The following CNOT10 variants were observed in gnomAD, a reference collection of about 807,000 sequenced individuals.
The protein encoded by CNOT10 is CCR4-NOT transcription complex, subunit 10.
Under a neutral mutation model 94.6 loss-of-function variants are expected in CNOT10, and 30 were observed. The observed-to-expected ratio is 0.32, with a 90% confidence interval of 0.24 to 0.43. CNOT10 has a LOEUF of 0.43. Ranked by LOEUF, CNOT10 falls within the 20% of genes least tolerant of loss-of-function variation. CNOT10 has a pLI of 1.00. For missense variants in CNOT10, 759 were observed against 877.2 expected (o/e 0.87, Z 1.70); for synonymous variants, 289 against 301.6 (o/e 0.96, Z 0.43).
At chr3:32,753,935 C>CACAA (rs1700079718) in intron 13 of CNOT10, 3 of 1,042,988 alleles carry the variant, frequency 2.9e-6, no homozygotes, top group South Asian at 2.9e-5. Context: ...CACACACACA[C>CACAA]AAAATATAAA....
chr3:32,757,659 C>T (rs1700279545), intron 13 of CNOT10, among the ~76,000 whole-genome samples: 1 of 152,140 alleles, frequency 6.6e-6, no homozygotes, highest in South Asian at 2.1e-4. Flanking sequence ...ACCAGTCTTG[C>T]CACACAGACC....
chr3:32,702,598 A>G (rs182668522), intron 1 of CNOT10, among the ~76,000 whole-genome samples: 138 of 152,304 alleles, frequency 9.1e-4, no homozygotes, highest in African/African-American at 3.3e-3. Context: ...GTAAGCCCTT[A>G]TCAGTGTAGT....
chr3:32,721,429 CTTTTTTT>C (rs58351356), intron 8 of CNOT10, among the ~76,000 whole-genome samples: 768 of 72,634 alleles, frequency 0.011, 15 homozygotes, highest in African/African-American at 0.042. Flanking sequence ...TTTCTTTCAT[CTTTTTTT>C]TTTTTTTTTT....
intron 1 of CNOT10, among the ~76,000 whole-genome samples, chr3:32,701,789 G>GT (rs1186537878): frequency 5.3e-5 from 8 of 151,564 alleles, no homozygotes; most frequent in Non-Finnish European, 7.4e-5. Flanking sequence ...GTCTCTGATA[G>GT]TTGTTTTTGT....
intron 1 of CNOT10, chr3:32,695,520 T>C (rs1156366870): frequency 1.4e-6 from 2 of 1,473,970 alleles, no homozygotes; most frequent in East Asian, 2.5e-5. Context: ...ACATTCTGTA[T>C]TGGAATGTGT....
At chr3:32,758,893 G>T (rs1209208523) in intron 13 of CNOT10, among the ~76,000 whole-genome samples, 2 of 152,024 alleles carry the variant, frequency 1.3e-5, no homozygotes, top group East Asian at 3.8e-4. Flanking sequence ...TAGAAGAATA[G>T]TAACTGTGTG....
At chr3:32,703,543 T>A (rs1171771656) in intron 1 of CNOT10, among the ~76,000 whole-genome samples, 8 of 152,220 alleles carry the variant, frequency 5.3e-5, no homozygotes, top group Non-Finnish European at 1.5e-5. Context: ...CTCACCTTTC[T>A]TCCTGTGACC....
intron 5 of CNOT10, among the ~76,000 whole-genome samples, chr3:32,715,675 A>G (rs1295187171): frequency 6.6e-6 from 1 of 152,216 alleles, no homozygotes; most frequent in Non-Finnish European, 1.5e-5. Context: ...CCCCGTCTCT[A>G]TGAAAAATTA....
At chr3:32,723,718 A>G (rs1043074608) in intron 8 of CNOT10, among the ~76,000 whole-genome samples, 9 of 152,198 alleles carry the variant, frequency 5.9e-5, no homozygotes, top group African/African-American at 2.2e-4. Context: ...TTTGAAACAG[A>G]TGTGACAGAA....
chr3:32,747,957 C>A (rs1010262832), intron 13 of CNOT10, among the ~76,000 whole-genome samples: 1 of 151,340 alleles, frequency 6.6e-6, no homozygotes, highest in Non-Finnish European at 1.5e-5. Flanking sequence ...AACGCTCCCC[C>A]CACCTCCAAA....
At chr3:32,694,719 A>G (rs1202721803) in intron 1 of CNOT10, among the ~76,000 whole-genome samples, 4 of 152,032 alleles carry the variant, frequency 2.6e-5, no homozygotes, top group Admixed American at 2.6e-4. Context: ...CCTCCTGAGT[A>G]GCTGGGATTA....
At chr3:32,711,312 C>T in intron 4 of CNOT10, among the ~76,000 whole-genome samples, 1 of 152,090 alleles carries the variant, frequency 6.6e-6, no homozygotes, top group East Asian at 1.9e-4. Flanking sequence ...TGTATGTCCT[C>T]CTGTACATTT....
Position 32,725,573 on chromosome 3 carries a change from A to C in CNOT10, c.986A>C (p.Gln329Pro). Reference sequence around the variant, plus strand: ...CAAGAGAATGACAATGTCTGTGCACAGCTCAGTGCAGGTAGCACTGATCCA... The same window carrying C: ...CAAGAGAATGACAATGTCTGTGCACCGCTCAGTGCAGGTAGCACTGATCCA... ...ALQENDNVCA[Q>P]LSAGSTDPGK... is the part of the protein sequence containing the mutation. Residue 329 changes from glutamine to proline, a missense_variant, in exon 9 of 19, where the codon CAG (glutamine) becomes CCG (proline). Physicochemically the swap from Gln to Pro is moderately conservative, Grantham distance 76. This residue lies in a region of CNOT10 where 682 missense variants were observed against 799.4 expected (regional missense o/e 0.85). Coordinates refer to ENST00000328834, the MANE Select transcript of CNOT10 (RefSeq NM_015442.3). The C allele has an allele frequency of 6.2e-7, 1 of 1,614,112 alleles. No individual in the cohort carries two copies. The highest frequency in any genetic ancestry group is 8.5e-7 in the Non-Finnish European group (1 of 1,179,946).
At chr3:32,738,352 A>G (rs1258619561) in intron 13 of CNOT10, among the ~76,000 whole-genome samples, 1 of 152,194 alleles carries the variant, frequency 6.6e-6, no homozygotes, top group Non-Finnish European at 1.5e-5. Context: ...TTCTTCCTTA[A>G]GTATTTGATA....
intron 18 of CNOT10, among the ~76,000 whole-genome samples, chr3:32,772,343 C>T (rs564571954): frequency 2.0e-4 from 30 of 150,652 alleles, no homozygotes; most frequent in African/African-American, 6.3e-4. Flanking sequence ...AGCGAGACTC[C>T]GTCTCAAAAA....
intron 3 of CNOT10, among the ~76,000 whole-genome samples, chr3:32,706,178 C>T (rs185783666): frequency 4.6e-5 from 7 of 152,250 alleles, no homozygotes; most frequent in Admixed American, 3.9e-4. Flanking sequence ...CCTCATTACT[C>T]CAGTATTATT....
At chr3:32,766,003 A>ATTT (rs755221571) in intron 17 of CNOT10, among the ~76,000 whole-genome samples, 1 of 33,370 alleles carries the variant, frequency 3.0e-5, no homozygotes, top group Non-Finnish European at 6.1e-5. Context: ...TATGCTTTTA[A>ATTT]TTTTTTTTTT....
intron 13 of CNOT10, among the ~76,000 whole-genome samples, chr3:32,739,057 AGCAC>A (rs1699330028): frequency 6.6e-6 from 1 of 151,884 alleles, no homozygotes; most frequent in Admixed American, 6.6e-5. Flanking sequence ...GGTGCCTGCT[AGCAC>A]GCCTGGCTAA....
intron 13 of CNOT10, among the ~76,000 whole-genome samples, chr3:32,759,239 A>G (rs929661041): frequency 6.6e-6 from 1 of 152,056 alleles, no homozygotes; most frequent in East Asian, 1.9e-4. Context: ...ATGTGGGTCA[A>G]TTGGATGAAA....
Sources: gnomAD v4.1 joint callset for allele counts (sites outside exome capture counted in the v4.1 genomes callset) on GRCh38, gnomAD v4.1.1 for gene constraint, gnomAD v4.1.1 regional missense constraint, MANE v1.5 for transcripts, NCBI Gene and HGNC (gene_info 2026-07-23, HGNC 2026-07-21) for gene names.